Variants in ENPP3 observed in about 807,000 individuals in gnomAD.
ENPP3 encodes the protein ectonucleotide pyrophosphatase/phosphodiesterase family member 3.
Under a neutral mutation model 117.8 loss-of-function variants are expected in ENPP3, and 104 were observed. The ratio of observed to expected loss-of-function variants is 0.88; its 90% CI spans 0.75 to 1.04. The LOEUF (loss-of-function observed/expected upper bound fraction) is 1.04. Ranked by LOEUF, ENPP3 falls within the 50% of genes least tolerant of loss-of-function variation. The pLI, the probability that ENPP3 is intolerant of heterozygous loss-of-function variation, is 0.00. For synonymous variants in ENPP3, 380 were observed against 349.9 expected, an observed-to-expected ratio of 1.09 and a Z score of -0.96; for missense variants, 1,026 against 1,051.9, an observed-to-expected ratio of 0.98 and a Z score of 0.34.
intron 23 of ENPP3, among the ~76,000 whole-genome samples, chr6:131,739,375 T>C (rs1176494025): frequency 6.6e-6 from 1 of 152,198 alleles, no homozygotes; most frequent in African/African-American, 2.4e-5. Flanking sequence ...GTGAAGTTGA[T>C]AGCACAGAAT....
At chr6:131,655,638 G>A (rs1182605956) in intron 5 of ENPP3, among the ~76,000 whole-genome samples, 1 of 152,188 alleles carries the variant, frequency 6.6e-6, no homozygotes, top group Non-Finnish European at 1.5e-5. Flanking sequence ...TGAGAAGGAA[G>A]GTTTCCAGTA....
rs138811925 is a variant in ENPP3, at chr6:131,642,022, C to T, written c.154+492C>T. 9.3e-4 allele frequency among the ~76,000 whole-genome samples: 141 copies of T among 151,668 alleles called. 1 individual carries two copies. The highest frequency in any genetic ancestry group is 3.6e-3 in the South Asian group (17 of 4,778). ...ATTGCCCAGGCTGGTCTCGAGCTCC[C>T]GGGCTCAAGTGATCCACCCACCTCA... On this transcript the variant is annotated intron_variant, in intron 2 of 24. Transcript: ENST00000357639.
At chr6:131,718,836 G>GACAAACA (rs1450778851) in intron 16 of ENPP3, 98 bp downstream of exon 16, 1 of 666,880 alleles carries the variant, frequency 1.5e-6, no homozygotes, top group African/African-American at 1.8e-5. Flanking sequence ...TGTCATGGGG[G>GACAAACA]TTTGTCATAC....
chr6:131,743,793 C>A (rs1438076721), intron 24 of ENPP3, among the ~76,000 whole-genome samples: 4 of 151,072 alleles, frequency 2.6e-5, no homozygotes, highest in Non-Finnish European at 5.9e-5. Flanking sequence ...CCACTGCACT[C>A]CAGCCTGGGC....
chr6:131,740,203 G>A (rs962684743), intron 23 of ENPP3, 21 bp from the exon 24 acceptor site: 8 of 1,539,956 alleles, frequency 5.2e-6, no homozygotes, highest in African/African-American at 1.4e-5. Flanking sequence ...ATCAAAACAT[G>A]TTTTCAATTA....
Position 131,644,654 on chromosome 6 carries a change from C to T in ENPP3, c.154+3124C>T, listed in dbSNP as rs577280623. ...CTCAGTTTTGGACCTGTTAAATTTG[C>T]TAGTTCTATTGGATGTCCAAGCGCA... On this transcript the variant is annotated intron_variant, in intron 2 of 24. Coordinates refer to ENST00000357639, the MANE Select transcript of ENPP3 (RefSeq NM_005021.5). Among the ~76,000 whole-genome samples, 16 of 152,248 alleles carry T rather than the reference C, an allele frequency of 1.1e-4. No homozygotes were observed. The South Asian group carries it at 3.3e-3, about 32-fold the overall frequency.
chr6:131,673,970 A>G (rs549696140), intron 7 of ENPP3, among the ~76,000 whole-genome samples, 192 bp from the exon 8 acceptor site: 3 of 152,304 alleles, frequency 2.0e-5, no homozygotes, highest in Admixed American at 2.0e-4. Context: ...GAGGGAGGTC[A>G]TGGAACTAAT....
At chr6:131,730,653 CGCCTGTAATCCCA>C (rs1170304714) in intron 20 of ENPP3, among the ~76,000 whole-genome samples, 11 of 152,174 alleles carry the variant, frequency 7.2e-5, no homozygotes, top group Non-Finnish European at 1.3e-4. Context: ...CAGTGGCTCA[CGCCTGTAATCCCA>C]GCACTTTGGG....
chr6:131,641,947 A>G (rs547183278), intron 2 of ENPP3, among the ~76,000 whole-genome samples: 7 of 151,156 alleles, frequency 4.6e-5, no homozygotes, highest in South Asian at 4.2e-4. Flanking sequence ...GGTGTGTGCC[A>G]CCACACCCGG....
chr6:131,678,334 G>C (rs1175669555), intron 11 of ENPP3, among the ~76,000 whole-genome samples: 3 of 152,168 alleles, frequency 2.0e-5, no homozygotes, highest in African/African-American at 7.2e-5. Flanking sequence ...TCTACTCCCC[G>C]ACAGTTCAGT....
Position 131,674,324 on chromosome 6 carries a change from T to A in ENPP3, c.762+43T>A, listed in dbSNP as rs372310250. 1.9e-5 allele frequency: 30 copies of A among 1,598,872 alleles called. 1 individual carries two copies. Among genetic ancestry groups the A allele is most frequent in the East Asian group, 1.1e-4 (5 of 44,752 alleles). ...CGTCGCAACTGAAGTAACCTCCATT[T>A]CTCAGTGTGACAGGAGGACACTCTT... is the stretch of plus-strand genomic sequence containing the variant. On this transcript the variant is annotated intron_variant, in intron 8 of 24. Coordinates refer to ENST00000357639, the MANE Select transcript of ENPP3 (RefSeq NM_005021.5).
intron 6 of ENPP3, among the ~76,000 whole-genome samples, chr6:131,664,804 C>T (rs1434508199): frequency 6.6e-6 from 1 of 152,126 alleles, no homozygotes; most frequent in South Asian, 2.1e-4. Context: ...AGCCTAGGTG[C>T]ACAGTAGGCT....
At chr6:131,654,624 G>A (rs1249729151) in intron 5 of ENPP3, among the ~76,000 whole-genome samples, 1 of 151,992 alleles carries the variant, frequency 6.6e-6, no homozygotes, top group African/African-American at 2.4e-5. Context: ...TTTATTTTTT[G>A]TAGAGACAGT....
At chr6:131,714,152 T>A (rs888968710) in intron 15 of ENPP3, among the ~76,000 whole-genome samples, 5 of 152,154 alleles carry the variant, frequency 3.3e-5, no homozygotes, top group Non-Finnish European at 7.3e-5. Flanking sequence ...CATGAGTACT[T>A]GAAATATGGT....
rs1460950922 is a variant in ENPP3 at position 131,698,883 on chromosome 6, TA to T, written c.1412+5263del. On this transcript the variant is annotated intron_variant, in intron 15 of 24. Coordinates refer to ENST00000357639, the MANE Select transcript of ENPP3 (RefSeq NM_005021.5). ...TTTTTACTTTATAAAAAGTATACCA[TA>T]AAATAGTTTTAAAACTATTTTTATA... Among the ~76,000 whole-genome samples the T allele has an allele frequency of 5.2e-5, 5 of 96,376 alleles. No individual in the cohort carries two copies. The East Asian group carries it at 9.5e-4, about 18-fold the overall frequency. 63.2% of individuals were successfully genotyped at this position (96,376 alleles called of 152,430 possible).
intron 16 of ENPP3, among the ~76,000 whole-genome samples, chr6:131,719,309 T>C (rs1274808253): frequency 6.6e-6 from 1 of 151,644 alleles, no homozygotes; most frequent in Non-Finnish European, 1.5e-5. Context: ...CCTGAGTCTA[T>C]GAGTAGAATG....
chr6:131,727,555 C>CAAAAA (rs773470669), intron 20 of ENPP3, among the ~76,000 whole-genome samples: 12 of 52,166 alleles, frequency 2.3e-4, no homozygotes, highest in Admixed American at 1.0e-3. Flanking sequence ...AAGTCCATCT[C>CAAAAA]AAAAAAAAAA....
intron 2 of ENPP3, among the ~76,000 whole-genome samples, chr6:131,643,923 C>CTGTGTG (rs754599772): frequency 7.0e-6 from 1 of 142,228 alleles, no homozygotes; most frequent in Non-Finnish European, 1.5e-5. Flanking sequence ...TCAGGGTCGT[C>CTGTGTG]TGTGTGTGTG....
In ENPP3 at chr6:131,738,098, G is replaced by A; in HGVS notation, c.2235G>A (p.Val745=). The change falls in exon 23 of 25, where the codon GTG becomes GTA. Residue 745 remains valine, a synonymous_variant. Coordinates refer to ENST00000357639, the MANE Select transcript of ENPP3 (RefSeq NM_005021.5). ...KHATERNGVN[V]VSGPIFDYNY... is the part of the protein sequence containing the mutation. ...CCACAGAAAGAAATGGAGTAAATGT[G>A]GTTAGTGGACCAATATTTGATTATA... 3 of 1,604,584 alleles carry A rather than the reference G, an allele frequency of 1.9e-6. No individual in the cohort carries two copies. The highest frequency in any genetic ancestry group is 1.7e-6 in the Non-Finnish European group (2 of 1,172,444).
Sources: allele counts gnomAD v4.1 joint callset (sites outside exome capture counted in the v4.1 genomes callset), GRCh38; gene constraint gnomAD v4.1.1; transcripts MANE v1.5; gene names NCBI Gene and HGNC (gene_info 2026-07-23, HGNC 2026-07-21).